The following NRXN1 variants were observed in gnomAD, a reference collection of about 807,000 sequenced individuals.
NRXN1 encodes the protein neurexin 1.
In NRXN1, 39 loss-of-function variants were observed where a neutral mutation model predicts 150.9. The ratio of observed to expected loss-of-function variants is 0.26; its 90% CI spans 0.20 to 0.34. The LOEUF (loss-of-function observed/expected upper bound fraction) is 0.34, where lower values mean the gene tolerates loss of function less well. Among genes scored for constraint, NRXN1 ranks in the 10% least tolerant of loss-of-function variants. The pLI is 1.00. For synonymous variants in NRXN1, 924 were observed against 757.0 expected, an observed-to-expected ratio of 1.22 and a Z score of -3.62; for missense variants, 1,815 against 1,949.9, an observed-to-expected ratio of 0.93 and a Z score of 1.30.
intron 21 of NRXN1, among the ~76,000 whole-genome samples, chr2:50,025,286 A>G (rs1297361179): frequency 2.0e-5 from 3 of 152,340 alleles, no homozygotes; most frequent in East Asian, 1.9e-4. Flanking sequence ...CGGCTTTACA[A>G]TCAGTCCCAG....
intron 5 of NRXN1, among the ~76,000 whole-genome samples, chr2:50,867,192 T>C (rs555612660): frequency 1.2e-4 from 18 of 151,982 alleles, no homozygotes; most frequent in Admixed American, 1.3e-4. Context: ...ATATTCTTCT[T>C]TAAACATTTC....
intron 5 of NRXN1, among the ~76,000 whole-genome samples, chr2:50,654,298 C>T (rs1686084145): frequency 6.8e-6 from 1 of 147,590 alleles, no homozygotes; most frequent in Admixed American, 6.9e-5. Flanking sequence ...TTTGTCCTTG[C>T]CATAGTTTGC....
chr2:50,425,065 A>G (rs1036185570), intron 17 of NRXN1, among the ~76,000 whole-genome samples: 10 of 152,162 alleles, frequency 6.6e-5, no homozygotes, highest in Non-Finnish European at 1.5e-4. Context: ...AATTTATACC[A>G]CCACTTCAGG....
intron 17 of NRXN1, among the ~76,000 whole-genome samples, chr2:50,331,114 T>C (rs1479554608): frequency 6.6e-6 from 1 of 152,132 alleles, no homozygotes; most frequent in Non-Finnish European, 1.5e-5. Context: ...AGATTTAATG[T>C]TGAAAAACCA....
intron 10 of NRXN1, among the ~76,000 whole-genome samples, chr2:50,535,328 C>T (rs1434278174): frequency 6.6e-6 from 1 of 152,224 alleles, no homozygotes; most frequent in Non-Finnish European, 1.5e-5. Flanking sequence ...TTCTATATCT[C>T]CTTCTCCCTT....
chr2:50,967,564 A>G (rs1694301615), intron 2 of NRXN1, among the ~76,000 whole-genome samples: 4 of 152,036 alleles, frequency 2.6e-5, no homozygotes, highest in Admixed American at 2.6e-4. Flanking sequence ...AATCATTAAG[A>G]GCCCAAAATA....
At chr2:50,661,652 A>C (rs1455985649) in intron 5 of NRXN1, among the ~76,000 whole-genome samples, 1 of 152,048 alleles carries the variant, frequency 6.6e-6, no homozygotes, top group Non-Finnish European at 1.5e-5. Context: ...TGACAGCATC[A>C]ATATACCTTC....
intron 17 of NRXN1, among the ~76,000 whole-genome samples, chr2:50,320,312 A>ATGTATATATATATATATATATATG (rs1210870445): frequency 4.8e-5 from 6 of 125,354 alleles, no homozygotes; most frequent in African/African-American, 1.6e-4. Context: ...ATATATATAT[A>ATGTATATATATATATATATATATG]TATATATATA....
At chr2:50,612,550 T>A (rs918057508) in intron 8 of NRXN1, among the ~76,000 whole-genome samples, 1 of 152,212 alleles carries the variant, frequency 6.6e-6, no homozygotes, top group Non-Finnish European at 1.5e-5. Flanking sequence ...TGAAATTTTA[T>A]GAGAAATAAA....
chr2:50,842,543 C>T (rs1315146763), intron 5 of NRXN1, among the ~76,000 whole-genome samples: 1 of 152,140 alleles, frequency 6.6e-6, no homozygotes, highest in African/African-American at 2.4e-5. Flanking sequence ...CAATGGCATT[C>T]AGGGTGTCAG....
chr2:50,160,569 A>T (rs1350297891), intron 18 of NRXN1, among the ~76,000 whole-genome samples: 2 of 152,150 alleles, frequency 1.3e-5, no homozygotes, highest in Non-Finnish European at 2.9e-5. Flanking sequence ...TTCTGTTACA[A>T]AAATGACAGG....
At chr2:50,230,837 A>T (rs2681999) in intron 18 of NRXN1, among the ~76,000 whole-genome samples, 62,873 of 151,898 alleles carry the variant, frequency 0.41, 13,189 homozygotes, top group Middle Eastern at 0.46. Context: ...TACCTCCCAC[A>T]TAATAAACTA....
At chr2:50,707,375 C>A (rs1383314952) in intron 5 of NRXN1, among the ~76,000 whole-genome samples, 1 of 152,106 alleles carries the variant, frequency 6.6e-6, no homozygotes. Flanking sequence ...AAAAATAATT[C>A]TGAAGAAAAG....
At chr2:50,323,461 A>T (rs1170079138) in intron 17 of NRXN1, among the ~76,000 whole-genome samples, 1 of 152,118 alleles carries the variant, frequency 6.6e-6, no homozygotes, top group Non-Finnish European at 1.5e-5. Context: ...AGCATGTTCT[A>T]GGCACTCAAT....
chr2:50,631,831 T>C (rs370375249), intron 5 of NRXN1, among the ~76,000 whole-genome samples: 1 of 151,886 alleles, frequency 6.6e-6, no homozygotes, highest in South Asian at 2.1e-4. Context: ...GTGTGCAACA[T>C]TTCAATTTCT....
intron 11 of NRXN1, among the ~76,000 whole-genome samples, chr2:50,530,154 G>C (rs1294168929): frequency 2.0e-5 from 3 of 151,836 alleles, no homozygotes; most frequent in Non-Finnish European, 4.4e-5. Context: ...CATTAATTTT[G>C]ACTCCTCTTA....
intron 2 of NRXN1, among the ~76,000 whole-genome samples, chr2:50,971,989 CA>C (rs1695074731): frequency 6.6e-6 from 1 of 151,774 alleles, no homozygotes; most frequent in East Asian, 1.9e-4. Context: ...ACTTCCTTCA[CA>C]AAGAATTTCA....
At chr2:50,146,529 C>A (rs1015545807) in intron 18 of NRXN1, among the ~76,000 whole-genome samples, 3 of 151,550 alleles carry the variant, frequency 2.0e-5, no homozygotes, top group Non-Finnish European at 4.4e-5. Context: ...TCATCTGTTC[C>A]ATTATAGTTT....
intron 17 of NRXN1, among the ~76,000 whole-genome samples, chr2:50,266,029 C>A (rs191408803): frequency 2.0e-3 from 277 of 141,548 alleles, no homozygotes; most frequent in Middle Eastern, 0.017. Flanking sequence ...GATAGAGTCT[C>A]ACTCTGTTGC....
Sources: allele counts gnomAD v4.1 joint callset (sites outside exome capture counted in the v4.1 genomes callset), GRCh38; gene constraint gnomAD v4.1.1; transcripts MANE v1.5; gene names NCBI Gene and HGNC (gene_info 2026-07-23, HGNC 2026-07-21).